Variants in RGS21 observed in about 807,000 individuals in gnomAD.
RGS21 encodes the protein regulator of G protein signaling 21.
In RGS21, 19 loss-of-function variants were observed where a neutral mutation model predicts 18.7. The ratio of observed to expected loss-of-function variants is 1.01; its 90% confidence interval spans 0.71 to 1.49. The LOEUF (loss-of-function observed/expected upper bound fraction) is 1.49. RGS21 is among the 40% of genes most tolerant of loss of function. The probability of loss-of-function intolerance (pLI) is 0.00; values close to 1 mark genes in which losing one functional copy is unlikely to be tolerated. For missense variants in RGS21, 194 were observed against 176.8 expected (o/e 1.10, Z -0.55); for synonymous variants, 56 against 57.8 (o/e 0.97, Z 0.14).
chr1:192,352,754 A>G (rs187551376), intron 4 of RGS21, among the ~76,000 whole-genome samples: 1 of 152,184 alleles, frequency 6.6e-6, no homozygotes, highest in East Asian at 1.9e-4. Context: ...TGCTGCTTAA[A>G]GATCAGGAAA....
chr1:192,330,827 C>A (rs1307555590), intron 1 of RGS21, among the ~76,000 whole-genome samples: 1 of 152,002 alleles, frequency 6.6e-6, no homozygotes, highest in Non-Finnish European at 1.5e-5. Flanking sequence ...TCAGTGACTA[C>A]AAGTATAGTT....
intron 1 of RGS21, among the ~76,000 whole-genome samples, chr1:192,342,402 A>G (rs1468106020): frequency 6.6e-6 from 1 of 152,082 alleles, no homozygotes; most frequent in African/African-American, 2.4e-5. Context: ...CTTGAGATCC[A>G]TGGTTAAAAG....
chr1:192,338,187 A>G (rs938171391), intron 1 of RGS21, among the ~76,000 whole-genome samples: 2 of 152,132 alleles, frequency 1.3e-5, no homozygotes, highest in African/African-American at 4.8e-5. Context: ...TAACTTCTCC[A>G]TTAGAACCGC....
intron 1 of RGS21, among the ~76,000 whole-genome samples, chr1:192,342,137 T>A (rs976010950): frequency 6.6e-6 from 1 of 152,208 alleles, no homozygotes; most frequent in South Asian, 2.1e-4. Flanking sequence ...TTCTTTTGAC[T>A]GCTTTCTTTC....
intron 1 of RGS21, among the ~76,000 whole-genome samples, chr1:192,341,738 C>T (rs1245041122): frequency 6.8e-6 from 1 of 147,210 alleles, no homozygotes; most frequent in Non-Finnish European, 1.5e-5. Context: ...ATTCCTGGCT[C>T]CTATTTCTTA....
At chr1:192,323,742 G>A (rs1658528083) in intron 1 of RGS21, among the ~76,000 whole-genome samples, 1 of 152,030 alleles carries the variant, frequency 6.6e-6, no homozygotes, top group Admixed American at 6.6e-5. Flanking sequence ...ACAACCATCA[G>A]CCTGAAAGTG....
At position 192,349,495 on chromosome 1, in the gene RGS21, T is replaced by C. The variant is rs563917764; in HGVS notation, c.88+2106T>C. Among the ~76,000 whole-genome samples, 17 of 152,318 alleles carry C rather than the reference T, an allele frequency of 1.1e-4. No homozygotes were observed. The South Asian group carries it at 3.5e-3, about 32-fold the overall frequency. ...GTTTTCACCCCATAATGCTGACATA[T>C]TCCACTTAACGCCCTTTGTTGATGC... On this transcript the variant is annotated intron_variant, in intron 3 of 4. Transcript: ENST00000417209.
chr1:192,363,355 T>C (rs374452751), intron 4 of RGS21, among the ~76,000 whole-genome samples: 1 of 152,254 alleles, frequency 6.6e-6, no homozygotes, highest in African/African-American at 2.4e-5. Flanking sequence ...GATGAGTGTC[T>C]AAACAGGTTA....
At position 192,326,415 on chromosome 1, in the gene RGS21, T is replaced by A. The variant is rs575140474; in HGVS notation, c.-61+9310T>A. Among the ~76,000 whole-genome samples, 22 of 152,164 alleles carry A rather than the reference T, an allele frequency of 1.4e-4. No homozygotes were observed. In the South Asian group the frequency reaches 4.1e-3, roughly 29 times the overall value. Reference sequence around the variant, plus strand: ...ATTTTATGACTTAAGTAAGATAAATTCCACACCTAAAAAATATGGTTAATA... The same window carrying A: ...ATTTTATGACTTAAGTAAGATAAATACCACACCTAAAAAATATGGTTAATA... On this transcript the variant is annotated intron_variant, in intron 1 of 4. Transcript: ENST00000417209.
At chr1:192,322,664 C>T (rs571060611) in intron 1 of RGS21, among the ~76,000 whole-genome samples, 13 of 152,184 alleles carry the variant, frequency 8.5e-5, no homozygotes, top group African/African-American at 2.9e-4. Context: ...CAGGATCCCA[C>T]GCTAGAGCAC....
intron 1 of RGS21, among the ~76,000 whole-genome samples, chr1:192,332,728 T>C (rs1248308192): frequency 6.6e-6 from 1 of 152,160 alleles, no homozygotes; most frequent in Non-Finnish European, 1.5e-5. Context: ...TCATATCTAC[T>C]ATACATAAAG....
intron 1 of RGS21, among the ~76,000 whole-genome samples, chr1:192,338,010 A>T (rs1658798817): frequency 6.6e-6 from 1 of 152,198 alleles, no homozygotes; most frequent in Admixed American, 6.5e-5. Flanking sequence ...ACACAAAGAA[A>T]ATACATTTAA....
chr1:192,350,054 T>C (rs897609588), intron 3 of RGS21, among the ~76,000 whole-genome samples: 3 of 152,212 alleles, frequency 2.0e-5, no homozygotes, highest in Admixed American at 6.5e-5. Flanking sequence ...AAAATTTTAA[T>C]TGAGTGTTAC....
At chr1:192,325,229 C>T (rs1474113650) in intron 1 of RGS21, among the ~76,000 whole-genome samples, 1 of 152,002 alleles carries the variant, frequency 6.6e-6, no homozygotes, top group African/African-American at 2.4e-5. Context: ...AGGTATTTGG[C>T]TTTCCGTCTC....
intron 1 of RGS21, among the ~76,000 whole-genome samples, chr1:192,323,688 GA>G (rs1186120373): frequency 6.6e-6 from 1 of 152,074 alleles, no homozygotes; most frequent in Non-Finnish European, 1.5e-5. Flanking sequence ...CAATGGAAAT[GA>G]TAATAAGCTC....
chr1:192,336,612 C>T (rs1386302958), intron 1 of RGS21, among the ~76,000 whole-genome samples: 1 of 152,048 alleles, frequency 6.6e-6, no homozygotes, highest in Non-Finnish European at 1.5e-5. Flanking sequence ...CAGCAATAAT[C>T]TACATATTAA....
intron 1 of RGS21, among the ~76,000 whole-genome samples, chr1:192,333,302 A>C (rs530230840): frequency 6.6e-6 from 1 of 151,386 alleles, no homozygotes; most frequent in South Asian, 2.1e-4. Context: ...ACACACACAC[A>C]CTTACCATAG....
chr1:192,365,845 T>G (rs1659250105), intron 4 of RGS21, 76 bp from the exon 5 acceptor site: 3 of 785,432 alleles, frequency 3.8e-6, no homozygotes, highest in Non-Finnish European at 6.1e-6. Flanking sequence ...AGAAAGAATT[T>G]TAAATAATAT....
chr1:192,344,497 C>T (rs1031723149), intron 2 of RGS21, among the ~76,000 whole-genome samples: 16 of 151,986 alleles, frequency 1.1e-4, no homozygotes, highest in Non-Finnish European at 1.8e-4. Flanking sequence ...CTATGATATG[C>T]GTAGCACAAT....
Sources: gnomAD v4.1 joint callset for allele counts (sites outside exome capture counted in the v4.1 genomes callset) on GRCh38, gnomAD v4.1.1 for gene constraint, MANE v1.5 for transcripts, NCBI Gene and HGNC (gene_info 2026-07-23, HGNC 2026-07-21) for gene names.